TCF25: variants seen among roughly 807,000 people sequenced by gnomAD.
The protein encoded by TCF25 is ribosome quality control complex subunit TCF25.
In TCF25, 41 loss-of-function variants were observed where a neutral mutation model predicts 83.1. That is an observed-to-expected ratio of 0.49 (90% CI 0.38 to 0.64). TCF25 has a LOEUF of 0.64. TCF25 is among the 30% of genes least tolerant of loss of function. The pLI, the probability that TCF25 is intolerant of heterozygous loss-of-function variation, is 0.00. For synonymous variants in TCF25, 458 were observed against 365.0 expected, an observed-to-expected ratio of 1.25 and a Z score of -2.90; for missense variants, 979 against 914.5, an observed-to-expected ratio of 1.07 and a Z score of -0.91.
chr16:89,892,828 C>T (rs1347513900), intron 6 of TCF25, among the ~76,000 whole-genome samples: 1 of 152,208 alleles, frequency 6.6e-6, no homozygotes, highest in Admixed American at 6.5e-5. Context: ...TGTGGGGGCC[C>T]TCAGGGGCCA....
intron 1 of TCF25, among the ~76,000 whole-genome samples, chr16:89,876,170 A>G (rs962829601): frequency 5.3e-5 from 8 of 152,136 alleles, no homozygotes; most frequent in African/African-American, 1.7e-4. Flanking sequence ...GCCTCCATGG[A>G]TGAATGACTG....
chr16:89,899,697 C>T (rs966104359), intron 11 of TCF25, among the ~76,000 whole-genome samples: 2 of 151,436 alleles, frequency 1.3e-5, no homozygotes, highest in Non-Finnish European at 2.9e-5. Context: ...CATTGCACTC[C>T]AGTCTGGGCA....
intron 13 of TCF25, chr16:89,904,686 C>G: frequency 1.6e-6 from 1 of 631,758 alleles, no homozygotes; most frequent in Non-Finnish European, 2.9e-6. Flanking sequence ...TGGACCCGCC[C>G]TGGGTGCATT....
At chr16:89,892,566 C>G (rs1343896629) in intron 6 of TCF25, among the ~76,000 whole-genome samples, 2 of 152,192 alleles carry the variant, frequency 1.3e-5, no homozygotes. Flanking sequence ...ACGGAGCCTC[C>G]CAGGCACAGT....
At chr16:89,883,298 G>T in intron 1 of TCF25, 53 bp from the exon 2 acceptor site, 1 of 1,592,162 alleles carries the variant, frequency 6.3e-7, no homozygotes, top group Non-Finnish European at 8.6e-7. Flanking sequence ...ATCTCAGCAT[G>T]AGCGTTCACA....
chr16:89,900,248 A>G (rs1192928627), intron 11 of TCF25, among the ~76,000 whole-genome samples: 2 of 142,032 alleles, frequency 1.4e-5, no homozygotes, highest in South Asian at 2.4e-4. Flanking sequence ...TGCTCTCGGA[A>G]ACTCGCGCGG....
chr16:89,884,388 A>G (rs1262072783), intron 2 of TCF25, among the ~76,000 whole-genome samples, 194 bp from the exon 3 acceptor site: 1 of 152,146 alleles, frequency 6.6e-6, no homozygotes, highest in African/African-American at 2.4e-5. Flanking sequence ...GGACTGCTGT[A>G]GCACAGCCCG....
intron 12 of TCF25, among the ~76,000 whole-genome samples, chr16:89,902,683 C>T (rs1354175869): frequency 7.6e-6 from 1 of 132,426 alleles, no homozygotes; most frequent in East Asian, 3.1e-4. Flanking sequence ...AGCGAGACTC[C>T]GTCTCAAAAA....
In TCF25 at chr16:89,898,649, G is replaced by T; in HGVS notation, c.1115G>T (p.Ser372Ile). ...CTGGAGTACTGCAAGCTCATCCTGA[G>T]GTGAGTGTCTGCTCAGGGCCAAGCC... ...TALEYCKLILSLEPDEDPLCM... is the reference protein window; with the variant it reads ...TALEYCKLILILEPDEDPLCM... The change falls in exon 10 of 18, where the codon AGT becomes ATT. Residue 372 changes from serine to isoleucine, a missense_variant and splice_region_variant. Physicochemically the swap from Ser to Ile is moderately radical, Grantham distance 142 (BLOSUM62 -2). Transcript: ENST00000263346. The T allele has an allele frequency of 6.2e-7, 1 of 1,612,794 alleles. No homozygotes were observed. Among genetic ancestry groups the T allele is most frequent in the Non-Finnish European group, 8.5e-7 (1 of 1,180,018 alleles).
At chr16:89,910,109 C>T (rs1335243118) in intron 16 of TCF25, 1 of 158,910 alleles carries the variant, frequency 6.3e-6, no homozygotes, top group East Asian at 1.9e-4. Context: ...GCTGTGGAGC[C>T]CAGGCTTTCG....
chr16:89,904,345 A>G (rs1567734085), intron 13 of TCF25, 140 bp downstream of exon 13: 1 of 918,348 alleles, frequency 1.1e-6, no homozygotes, highest in Non-Finnish European at 1.7e-6. Context: ...GGGGACTGTC[A>G]TTTGACATGG....
At chr16:89,886,257 C>A in intron 4 of TCF25, 1 of 374,220 alleles carries the variant, frequency 2.7e-6, no homozygotes, top group Admixed American at 3.6e-5. Flanking sequence ...GAAACCCCCT[C>A]TCTACTAAAA....
Position 89,907,294 on chromosome 16 carries a change from A to G in TCF25, c.1771A>G (p.Thr591Ala), listed in dbSNP as rs2044873849. Reference sequence around the variant, plus strand: ...GTTTGATCCTCTGCCTCCTTCGGACACAATCTACTCCTACGTCAGGCCAGA... The same window carrying G: ...GTTTGATCCTCTGCCTCCTTCGGACGCAATCTACTCCTACGTCAGGCCAGA... ...MGFDPLPPSD[T>A]IYSYVRPERL... The change falls in exon 16 of 18, where the codon ACA becomes GCA. Residue 591 changes from threonine to alanine, a missense_variant. Physicochemically the swap from Thr to Ala is moderately conservative, Grantham distance 58 (BLOSUM62 0). Transcript: ENST00000263346. The G allele has an allele frequency of 1.9e-6, 3 of 1,598,252 alleles. No individual in the cohort carries two copies. The highest frequency in any genetic ancestry group is 2.2e-5 in the East Asian group (1 of 44,462).
rs774102161 is a variant in TCF25, at chr16:89,911,193, G to A, written c.1986G>A (p.Glu662=). The A allele has an allele frequency of 1.9e-6, 3 of 1,612,500 alleles. No homozygotes were observed. Among genetic ancestry groups the A allele is most frequent in the East Asian group, 2.2e-5 (1 of 44,878 alleles). Reference sequence around the variant, plus strand: ...CCAACTTCCACCTCAACGACCTGGAGGCGCCGCACGAGGACGACGCTGAGG... The same window carrying A: ...CCAACTTCCACCTCAACGACCTGGAAGCGCCGCACGAGGACGACGCTGAGG... ...MMANFHLNDL[E]APHEDDAEGE... is the part of the protein sequence containing the mutation. Residue 662 remains glutamate (E), a synonymous_variant, in exon 18 of 18, where the codon GAG becomes GAA. Coordinates refer to ENST00000263346, the MANE Select transcript of TCF25 (RefSeq NM_014972.3).
intron 8 of TCF25, 56 bp from the exon 9 acceptor site, chr16:89,895,934 G>T (rs781715952): frequency 1.4e-4 from 207 of 1,481,172 alleles, no homozygotes; most frequent in Non-Finnish European, 1.9e-4. Flanking sequence ...CAGAGGAGGG[G>T]CCGTGGTTGC....
At chr16:89,908,279 C>G (rs1413699028) in intron 16 of TCF25, among the ~76,000 whole-genome samples, 3 of 144,300 alleles carry the variant, frequency 2.1e-5, no homozygotes, top group Non-Finnish European at 4.5e-5. Context: ...CTTCCCTCCT[C>G]CCAGTTCCCA....
At chr16:89,899,118 C>T (rs999345152) in intron 11 of TCF25, among the ~76,000 whole-genome samples, 2 of 152,168 alleles carry the variant, frequency 1.3e-5, no homozygotes, top group Admixed American at 6.5e-5. Context: ...CATGCTCAAA[C>T]GTGTGTACAC....
chr16:89,895,630 A>C, intron 8 of TCF25, among the ~76,000 whole-genome samples: 1 of 152,250 alleles, frequency 6.6e-6, no homozygotes. Flanking sequence ...TTGTGTATCC[A>C]TCATTAGTTG....
rs746791249 is a variant in TCF25, at chr16:89,907,268, G to C, written c.1745G>C (p.Gly582Ala). The change falls in exon 16 of 18, where the codon GGG becomes GCG. Residue 582 changes from glycine (G) to alanine (A), a missense_variant. By Grantham distance (60) the Gly-to-Ala change is moderately conservative. Coordinates refer to ENST00000263346, the MANE Select transcript of TCF25 (RefSeq NM_014972.3). ...PPDVTTQSVM[G>A]FDPLPPSDTI... Reference sequence around the variant, plus strand: ...GACGTGACCACGCAGTCTGTGATGGGGTTTGATCCTCTGCCTCCTTCGGAC... The same window carrying C: ...GACGTGACCACGCAGTCTGTGATGGCGTTTGATCCTCTGCCTCCTTCGGAC... 6.2e-7 allele frequency: 1 copy of C among 1,611,104 alleles called. No homozygotes were observed. Among genetic ancestry groups the C allele is most frequent in the Non-Finnish European group, 8.5e-7 (1 of 1,178,746 alleles).
Sources: gnomAD v4.1 joint callset for allele counts (sites outside exome capture counted in the v4.1 genomes callset) on GRCh38, gnomAD v4.1.1 for gene constraint, MANE v1.5 for transcripts, NCBI Gene and HGNC (gene_info 2026-07-23, HGNC 2026-07-21) for gene names.